RALGAPB: variants seen among roughly 807,000 people sequenced by gnomAD.
RALGAPB encodes the protein Ral GTPase activating protein non-catalytic subunit beta, also known as ral GTPase-activating protein subunit beta.
RALGAPB carries 25 observed loss-of-function variants against 161.1 expected under a neutral mutation model. That is an observed-to-expected ratio of 0.16 (90% confidence interval 0.11 to 0.22). The LOEUF is 0.22. RALGAPB is among the 10% of genes least tolerant of loss of function. The pLI is 1.00. For synonymous variants in RALGAPB, 629 were observed against 626.1 expected, an observed-to-expected ratio of 1.00 and a Z score of -0.07; for missense variants, 1,391 against 1,815.2, an observed-to-expected ratio of 0.77 and a Z score of 4.25.
chr20:38,509,254 C>A (rs746372786), intron 6 of RALGAPB, 46 bp downstream of exon 6: 7 of 1,575,126 alleles, frequency 4.4e-6, no homozygotes, highest in Non-Finnish European at 6.1e-6. Context: ...TAGTAAGTAT[C>A]TTAGGGCAGG....
chr20:38,557,006 T>G (rs2087608188), intron 22 of RALGAPB, among the ~76,000 whole-genome samples: 1 of 152,186 alleles, frequency 6.6e-6, no homozygotes, highest in Non-Finnish European at 1.5e-5. Context: ...TTGCTAGGAA[T>G]GTTATGTAAT....
chr20:38,522,515 A>G (rs1186416502), intron 10 of RALGAPB, among the ~76,000 whole-genome samples: 3 of 152,158 alleles, frequency 2.0e-5, no homozygotes, highest in Admixed American at 6.5e-5. Context: ...AAATTAACTC[A>G]TAATGGCCTC....
intron 3 of RALGAPB, among the ~76,000 whole-genome samples, chr20:38,493,779 C>T (rs2085339597): frequency 6.6e-6 from 1 of 152,194 alleles, no homozygotes; most frequent in Admixed American, 6.5e-5. Context: ...TTTGGAAAAT[C>T]TGAATTAAAA....
chr20:38,473,211 A>C (rs1320362490), intron 1 of RALGAPB, 142 bp downstream of exon 1: 1 of 298,296 alleles, frequency 3.4e-6, no homozygotes, highest in Non-Finnish European at 6.1e-6. Context: ...CTCATCTGCA[A>C]ATTTTTGGGA....
chr20:38,558,261 G>C, intron 22 of RALGAPB, 34 bp from the exon 23 acceptor site: 1 of 1,445,692 alleles, frequency 6.9e-7, no homozygotes, highest in Non-Finnish European at 9.2e-7. Context: ...AAAGAAAATA[G>C]GTAATAATTG....
chr20:38,566,780 T>G (rs755699215), intron 25 of RALGAPB, among the ~76,000 whole-genome samples: 10 of 152,248 alleles, frequency 6.6e-5, no homozygotes, highest in Non-Finnish European at 1.3e-4. Context: ...TTTTCTAGTC[T>G]TATTTTGGTT....
intron 2 of RALGAPB, 112 bp downstream of exon 2, chr20:38,488,730 A>G (rs2085190115): frequency 9.7e-7 from 1 of 1,028,022 alleles, no homozygotes; most frequent in Middle Eastern, 3.2e-4. Flanking sequence ...CTGTAGTAGA[A>G]TAACGTCAAC....
intron 24 of RALGAPB, among the ~76,000 whole-genome samples, chr20:38,564,305 A>G (rs1414513035): frequency 6.6e-6 from 1 of 152,232 alleles, no homozygotes; most frequent in Non-Finnish European, 1.5e-5. Context: ...TCATGCTACA[A>G]TGACAGAATC....
chr20:38,563,277 T>C (rs1165684707), intron 24 of RALGAPB, among the ~76,000 whole-genome samples: 3 of 152,232 alleles, frequency 2.0e-5, no homozygotes. Flanking sequence ...CAATTTTCTA[T>C]ACAAATGGTG....
At chr20:38,480,630 C>T (rs541855303) in intron 1 of RALGAPB, among the ~76,000 whole-genome samples, 29 of 151,882 alleles carry the variant, frequency 1.9e-4, no homozygotes, top group African/African-American at 6.8e-4. Flanking sequence ...CAGGTGATTT[C>T]ACCTGCGTCG....
intron 5 of RALGAPB, among the ~76,000 whole-genome samples, chr20:38,500,358 C>T (rs1402989580): frequency 6.6e-6 from 1 of 151,662 alleles, no homozygotes; most frequent in Non-Finnish European, 1.5e-5. Context: ...GTTGGTAATT[C>T]TTGCGTATTT....
At chr20:38,488,379 T>C (rs1470800374) in intron 1 of RALGAPB, 24 bp from the exon 2 acceptor site, 3 of 1,398,264 alleles carry the variant, frequency 2.1e-6, no homozygotes, top group Admixed American at 1.8e-5. Context: ...TAATTTGACA[T>C]GCATTTCTGT....
chr20:38,526,138 A>C, intron 13 of RALGAPB, 96 bp downstream of exon 13: 3 of 1,335,202 alleles, frequency 2.2e-6, no homozygotes, highest in Non-Finnish European at 3.1e-6. Context: ...GCCTAAACCT[A>C]ATGTAGCTCT....
chr20:38,541,600 C>A (rs1278247789), intron 18 of RALGAPB, among the ~76,000 whole-genome samples: 2 of 152,106 alleles, frequency 1.3e-5, no homozygotes, highest in African/African-American at 2.4e-5. Flanking sequence ...AGTATAGGTT[C>A]ATTCAACCAA....
chr20:38,497,269 T>G, intron 3 of RALGAPB, 84 bp from the exon 4 acceptor site: 2 of 1,302,304 alleles, frequency 1.5e-6, no homozygotes, highest in Admixed American at 4.1e-5. Flanking sequence ...GGACCACTGC[T>G]TGCTACATCC....
intron 1 of RALGAPB, among the ~76,000 whole-genome samples, chr20:38,475,135 C>G (rs1343961043): frequency 6.6e-6 from 1 of 151,600 alleles, no homozygotes; most frequent in Non-Finnish European, 1.5e-5. Flanking sequence ...TAGGGAAAGT[C>G]TTTTTATTAC....
intron 13 of RALGAPB, among the ~76,000 whole-genome samples, chr20:38,528,794 C>G (rs1031548937): frequency 2.0e-5 from 3 of 152,086 alleles, no homozygotes; most frequent in Non-Finnish European, 4.4e-5. Flanking sequence ...AATTCTTCCA[C>G]CTCACCCTCC....
In RALGAPB at chr20:38,488,412, G is replaced by A. The variant is rs917301822; in HGVS notation, c.-21G>A. ...TGTTTTGTCTTTTCAGGTGCCATTT[G>A]GATTGTACTTTAGTGGCACGATGTA... On this transcript the variant is annotated 5_prime_UTR_variant, in exon 2 of 30. It introduces an in-frame stop codon into an upstream open reading frame of the 5' UTR. Coordinates refer to ENST00000262879, the MANE Select transcript of RALGAPB (RefSeq NM_020336.4). The A allele has an allele frequency of 1.3e-6, 2 of 1,593,018 alleles. No individual in the cohort carries two copies. The highest frequency in any genetic ancestry group is 1.7e-5 in the Admixed American group (1 of 57,564).
intron 16 of RALGAPB, chr20:38,537,994 G>C (rs1364570162): frequency 6.5e-6 from 1 of 154,642 alleles, no homozygotes; most frequent in Non-Finnish European, 1.4e-5. Flanking sequence ...GCTTCCTTGA[G>C]GGCAGGGAAA....
Sources: allele counts gnomAD v4.1 joint callset (sites outside exome capture counted in the v4.1 genomes callset), GRCh38; gene constraint gnomAD v4.1.1; transcripts MANE v1.5; gene names NCBI Gene and HGNC (gene_info 2026-07-23, HGNC 2026-07-21).